DENND4C: variants seen among roughly 807,000 people sequenced by gnomAD.
The protein encoded by DENND4C is DENN domain containing 4C, also known as DENN domain-containing protein 4C.
In DENND4C, 108 loss-of-function variants were observed where a neutral mutation model predicts 203.0. The observed-to-expected ratio is 0.53, with a 90% CI of 0.46 to 0.62. DENND4C has a LOEUF of 0.62. Ranked by LOEUF, DENND4C falls within the 20% of genes least tolerant of loss-of-function variation. DENND4C has a pLI of 0.00. For missense variants in DENND4C, 2,481 were observed against 2,301.2 expected (o/e 1.08, Z -1.60); for synonymous variants, 871 against 792.4 (o/e 1.10, Z -1.67).
intron 2 of DENND4C, among the ~76,000 whole-genome samples, chr9:19,278,604 A>G (rs1015445011): frequency 2.6e-5 from 4 of 152,214 alleles, no homozygotes; most frequent in African/African-American, 9.7e-5. Flanking sequence ...CAGGCTGAAA[A>G]AGAGAAAAAA....
At chr9:19,338,193 A>C (rs1820899057) in intron 20 of DENND4C, among the ~76,000 whole-genome samples, 1 of 152,198 alleles carries the variant, frequency 6.6e-6, no homozygotes, top group Admixed American at 6.5e-5. Flanking sequence ...TTTTATTTTA[A>C]AGCCACCATA....
rs572396505 is a variant in DENND4C at position 19,234,817 on chromosome 9, C to T, written c.-18+3984C>T. ...TCAGCCTCCCAAAGTGCTGTGATTA[C>T]AGGCGTGAGCCACTTTGTCTGACCC... On this transcript the variant is annotated intron_variant, in intron 1 of 32. Coordinates refer to ENST00000434457, the MANE Select transcript of DENND4C (RefSeq NM_001330640.2). Among the ~76,000 whole-genome samples the T allele has an allele frequency of 1.5e-4, 23 of 152,046 alleles. 2 individuals are homozygous for T. The highest frequency in any genetic ancestry group is 4.6e-4 in the Admixed American group (7 of 15,260).
chr9:19,295,841 C>T (rs527486458), intron 5 of DENND4C, among the ~76,000 whole-genome samples, 167 bp from the exon 6 acceptor site: 1 of 151,830 alleles, frequency 6.6e-6, no homozygotes, highest in Non-Finnish European at 1.5e-5. Flanking sequence ...GGATTTATAT[C>T]AAAATCTGGT....
intron 1 of DENND4C, among the ~76,000 whole-genome samples, chr9:19,232,939 C>T (rs954825100): frequency 2.6e-5 from 4 of 151,934 alleles, no homozygotes; most frequent in South Asian, 2.1e-4. Flanking sequence ...CTGGAGCTTC[C>T]TGCCAAAACA....
intron 1 of DENND4C, among the ~76,000 whole-genome samples, chr9:19,252,112 A>T (rs546741679): frequency 1.6e-4 from 25 of 152,316 alleles, no homozygotes; most frequent in African/African-American, 5.8e-4. Flanking sequence ...AAAGGGGTTT[A>T]TTGGACTTAC....
intron 9 of DENND4C, among the ~76,000 whole-genome samples, chr9:19,302,675 G>A (rs967055877): frequency 6.6e-6 from 1 of 152,182 alleles, no homozygotes; most frequent in Admixed American, 6.5e-5. Context: ...AGTCCTTGCA[G>A]GGTCCTTTGT....
chr9:19,289,159 C>T (rs1056616533), intron 4 of DENND4C, among the ~76,000 whole-genome samples: 18 of 152,176 alleles, frequency 1.2e-4, no homozygotes, highest in Non-Finnish European at 2.4e-4. Context: ...GCCTGAGAAA[C>T]TTTTCTGCCA....
chr9:19,276,558 T>C lies in DENND4C; in HGVS notation c.305+79T>C, dbSNP rs535226383. The C allele has an allele frequency of 2.5e-4, 205 of 828,642 alleles. No individual in the cohort carries two copies. In the African/African-American group the frequency reaches 3.4e-3, roughly 14 times the overall value. 51.3% of individuals were successfully genotyped at this position (828,642 alleles called of 1,614,324 possible). A position where few individuals can be genotyped will look rare whatever the true frequency, so the allele number is the denominator to read the frequency against. On this transcript the variant is annotated intron_variant, in intron 2 of 32. Transcript: ENST00000434457. The stretch of plus-strand genomic sequence containing the variant: ...CCATGGAAGTAGGAATTTGAAATCC[T>C]TGATAGTTTTATTATTACTGATAGT...
At chr9:19,325,548 A>G (rs757681088) in intron 13 of DENND4C, among the ~76,000 whole-genome samples, 181 of 152,304 alleles carry the variant, frequency 1.2e-3, no homozygotes, top group Admixed American at 3.3e-3. Flanking sequence ...CAGGGATATA[A>G]TTAAAACTAT....
chr9:19,308,851 A>G (rs958004877), intron 10 of DENND4C, among the ~76,000 whole-genome samples: 2 of 152,186 alleles, frequency 1.3e-5, no homozygotes, highest in African/African-American at 4.8e-5. Context: ...TTGTATAAAT[A>G]TGTATCTGGG....
Position 19,352,060 on chromosome 9 carries a change from T to TATTC in DENND4C, c.4496-12_4496-9dup. 6.3e-7 allele frequency: 1 copy of TATTC among 1,597,204 alleles called. No homozygotes were observed. The highest frequency in any genetic ancestry group is 2.2e-5 in the East Asian group (1 of 44,690). On this transcript the variant is annotated splice_polypyrimidine_tract_variant and intron_variant, in intron 24 of 32. Transcript: ENST00000434457. Reference sequence around the variant, plus strand: ...TCCTTACTTAAGGTATTACGATGTATATTCCTTTGTAGGTGAAGTTCCATT... The same window carrying TATTC: ...TCCTTACTTAAGGTATTACGATGTATATTCATTCCTTTGTAGGTGAAGTTCCATT...
At chr9:19,245,780 C>G (rs1388644511) in intron 1 of DENND4C, among the ~76,000 whole-genome samples, 2 of 151,674 alleles carry the variant, frequency 1.3e-5, no homozygotes, top group Non-Finnish European at 1.5e-5. Flanking sequence ...CGCTTGAACC[C>G]AGGAGGTGGA....
chr9:19,245,423 C>T (rs1014476632), intron 1 of DENND4C, among the ~76,000 whole-genome samples: 49 of 147,178 alleles, frequency 3.3e-4, no homozygotes, highest in South Asian at 1.1e-3. Flanking sequence ...GCCAAGATGG[C>T]GCTACTGCAC....
At chr9:19,289,167 C>T (rs1427033659) in intron 4 of DENND4C, among the ~76,000 whole-genome samples, 1 of 152,180 alleles carries the variant, frequency 6.6e-6, no homozygotes, top group Non-Finnish European at 1.5e-5. Context: ...AACTTTTCTG[C>T]CATGAAGTGT....
chr9:19,307,393 C>CAAAA (rs753710246), intron 10 of DENND4C, among the ~76,000 whole-genome samples: 15 of 58,350 alleles, frequency 2.6e-4, no homozygotes, highest in South Asian at 5.7e-4. Flanking sequence ...GACTCTGTCT[C>CAAAA]AAAAAAAAAA....
At chr9:19,265,677 C>G (rs1830349006) in intron 1 of DENND4C, among the ~76,000 whole-genome samples, 1 of 152,100 alleles carries the variant, frequency 6.6e-6, no homozygotes, top group African/African-American at 2.4e-5. Context: ...TTGTTCAATT[C>G]CCACCTATAA....
rs759501858 is a variant in DENND4C at position 19,290,691 on chromosome 9, C to G, written c.629-13C>G. ...CTATTTAAAAAATTTATTGTTGTCT[C>G]ATTCTTCAAAAGGTTTAATTTTTAG... On this transcript the variant is annotated splice_polypyrimidine_tract_variant and intron_variant, in intron 4 of 32. Transcript: ENST00000434457. 89 of 1,388,520 alleles carry G rather than the reference C, an allele frequency of 6.4e-5. No individual in the cohort carries two copies. The highest frequency in any genetic ancestry group is 8.3e-5 in the Non-Finnish European group (88 of 1,061,866). 86.0% of individuals were successfully genotyped at this position (1,388,520 alleles called of 1,614,324 possible).
intron 31 of DENND4C, among the ~76,000 whole-genome samples, chr9:19,370,971 G>C (rs976735363): frequency 2.0e-5 from 3 of 152,198 alleles, no homozygotes; most frequent in African/African-American, 7.2e-5. Context: ...AGTTGAGGTA[G>C]AGATGACCTT....
At position 19,369,889 on chromosome 9, in the gene DENND4C, T is replaced by G. The variant is rs1311042689; in HGVS notation, c.5577T>G (p.Thr1859=). The change falls in exon 31 of 33, where the codon ACT becomes ACG. Residue 1859 remains threonine, a synonymous_variant. Transcript: ENST00000434457. ...LLSEEQQETS[T]LVETIRQSIQ... ...CAGAGGAACAACAAGAAACAAGCAC[T>G]TTAGTAGAAACCATCAGGCAGAGTA... 1.2e-6 allele frequency: 2 copies of G among 1,613,588 alleles called. No individual in the cohort carries two copies. The highest frequency in any genetic ancestry group is 2.2e-5 in the South Asian group (2 of 90,954).
Sources: gnomAD v4.1 joint callset for allele counts (sites outside exome capture counted in the v4.1 genomes callset) on GRCh38, gnomAD v4.1.1 for gene constraint, MANE v1.5 for transcripts, NCBI Gene and HGNC (gene_info 2026-07-23, HGNC 2026-07-21) for gene names.